TRMT11: variants seen among roughly 807,000 people sequenced by gnomAD.
TRMT11 encodes the protein tRNA methyltransferase 11.
TRMT11 carries 53 observed loss-of-function variants against 62.8 expected under a neutral mutation model. The ratio of observed to expected loss-of-function variants is 0.84; its 90% CI spans 0.68 to 1.06. TRMT11 has a LOEUF of 1.06. Among genes scored for constraint, TRMT11 ranks in the 50% least tolerant of loss-of-function variants. TRMT11 has a pLI of 0.00. For missense variants in TRMT11, 556 were observed against 553.4 expected (o/e 1.00, Z -0.05); for synonymous variants, 188 against 190.3 (o/e 0.99, Z 0.10).
chr6:126,258,058 T>G, the TRMT11 span: 2 of 1,213,734 alleles, frequency 1.6e-6, no homozygotes, highest in African/African-American at 1.5e-5. Flanking sequence ...TCACTCTCCA[T>G]GTCCAGGAGT....
chr6:126,178,155 T>C (rs1778410744), intron 1 of TRMT11, among the ~76,000 whole-genome samples: 2 of 152,226 alleles, frequency 1.3e-5, no homozygotes, highest in African/African-American at 4.8e-5. Context: ...CTAAATTTAT[T>C]TATTATAGTT....
At chr6:126,258,363 G>A in the TRMT11 span, 323 of 370,670 alleles carry the variant, frequency 8.7e-4, 1 homozygote, top group East Asian at 5.0e-3. Flanking sequence ...GGCCATGTAC[G>A]TGCATCAGTC....
chr6:126,042,969 A>T (rs1478605250), downstream of TRMT11, among the ~76,000 whole-genome samples: 1 of 152,042 alleles, frequency 6.6e-6, no homozygotes, highest in Admixed American at 6.5e-5. Flanking sequence ...ATCTTGGAGT[A>T]TCTCACCACA....
chr6:126,221,011 T>A, the TRMT11 span, among the ~76,000 whole-genome samples: 8 of 152,308 alleles, frequency 5.3e-5, no homozygotes, highest in East Asian at 1.3e-3. Flanking sequence ...GAACATGTGG[T>A]ATTTGGTTTT....
rs940160033 is a variant in TRMT11 at position 126,017,913 on chromosome 6, A to C, written c.1140-3247A>C. ...CCAGGTGTTTGATGTCATAGGAGCC[A>C]GTGTGCTACTGAGTGAGTGTAGCTG... On this transcript the variant is annotated intron_variant, in intron 11 of 12. Transcript: ENST00000334379. 2.0e-5 allele frequency among the ~76,000 whole-genome samples: 3 copies of C among 152,234 alleles called. No homozygotes were observed. The East Asian group carries it at 5.8e-4, about 29-fold the overall frequency.
Position 126,059,045 on chromosome 6 carries a change from CT to C in TRMT11, c.*1437+5874del, listed in dbSNP as rs1036996695. On this transcript the variant is annotated intron_variant and NMD_transcript_variant, in intron 17 of 22. Transcript: ENST00000648977. Reference sequence around the variant, plus strand: ...GCACCTCTTCTCTCTCTCTACTTATCTTTTTTTTTTTTTTTTTTTGTAGAGA... The same window carrying C: ...GCACCTCTTCTCTCTCTCTACTTATCTTTTTTTTTTTTTTTTTTGTAGAGA... Among the ~76,000 whole-genome samples, 540 of 128,110 alleles carry C rather than the reference CT, an allele frequency of 4.2e-3. 3 individuals are homozygous for C. Among genetic ancestry groups the C allele is most frequent in the East Asian group, 0.022 (105 of 4,702 alleles). 84.0% of individuals were successfully genotyped at this position (128,110 alleles called of 152,430 possible).
chr6:126,150,870 A>T (rs1778030949), intron 21 of TRMT11, among the ~76,000 whole-genome samples: 1 of 152,148 alleles, frequency 6.6e-6, no homozygotes, highest in South Asian at 2.1e-4. Context: ...TGGCTGAGTG[A>T]TGGTTGCCTT....
the TRMT11 span, among the ~76,000 whole-genome samples, chr6:126,254,102 A>G: frequency 6.6e-6 from 1 of 152,184 alleles, no homozygotes; most frequent in Non-Finnish European, 1.5e-5. Flanking sequence ...TGTCATTACC[A>G]CTGATATCAG....
rs1320136992 is a variant in TRMT11 at position 126,093,615 on chromosome 6, A to G, written c.*1438-19251A>G. Among the ~76,000 whole-genome samples the G allele has an allele frequency of 7.9e-5, 7 of 89,134 alleles. No homozygotes were observed. The South Asian group carries it at 1.7e-3, about 22-fold the overall frequency. 58.5% of individuals were successfully genotyped at this position (89,134 alleles called of 152,430 possible). A position where few individuals can be genotyped will look rare whatever the true frequency, so the allele number is the denominator to read the frequency against. On this transcript the variant is annotated intron_variant and NMD_transcript_variant, in intron 17 of 22. Transcript: ENST00000648977. ...TATATATATATATATATATATATAT[A>G]TATATATATATATATATTTTCCCCC...
At chr6:126,198,398 T>C (rs546888082) in intron 1 of TRMT11, among the ~76,000 whole-genome samples, 67 of 152,328 alleles carry the variant, frequency 4.4e-4, no homozygotes, top group Non-Finnish European at 9.1e-4. Context: ...TAATTTTAAA[T>C]GGGTCTTCAT....
intron 17 of TRMT11, among the ~76,000 whole-genome samples, chr6:126,076,215 T>G (rs922266950): frequency 6.6e-6 from 1 of 152,220 alleles, no homozygotes; most frequent in Non-Finnish European, 1.5e-5. Flanking sequence ...GAGAACTGTC[T>G]GTCTTCCAAT....
At chr6:126,217,508 G>A in the TRMT11 span, among the ~76,000 whole-genome samples, 1 of 152,104 alleles carries the variant, frequency 6.6e-6, no homozygotes, top group African/African-American at 2.4e-5. Flanking sequence ...GATACCACCG[G>A]GATGGTCTTG....
exon 1 of TRMT11, chr6:126,177,290 T>TA (rs1316660018): frequency 1.3e-5 from 2 of 152,146 alleles, no homozygotes; most frequent in Non-Finnish European, 2.9e-5. Context: ...GCAAAACTAT[T>TA]ATGGCAACAG....
intron 3 of TRMT11, among the ~76,000 whole-genome samples, chr6:125,997,496 G>A (rs915599156): frequency 1.3e-5 from 2 of 152,262 alleles, no homozygotes; most frequent in Non-Finnish European, 2.9e-5. Flanking sequence ...AAAATTGTGT[G>A]TGTGTGTCCA....
In TRMT11 at chr6:125,992,440, T is replaced by C. The variant is rs7775205; in HGVS notation, c.73-1317T>C. Among the ~76,000 whole-genome samples the C allele has an allele frequency of 8.4e-3, 1,274 of 152,332 alleles. 15 individuals carry two copies. Among genetic ancestry groups the C allele is most frequent in the African/African-American group, 0.025 (1,053 of 41,574 alleles). ...ATGCAAGATGAAGTAATTTAATCTA[T>C]AACTTTATTTTTTTTCTTTTAAGTG... On this transcript the variant is annotated intron_variant, in intron 1 of 12. Coordinates refer to ENST00000334379, the MANE Select transcript of TRMT11 (RefSeq NM_001031712.3).
At chr6:126,055,937 C>T (rs1776361602) in intron 17 of TRMT11, among the ~76,000 whole-genome samples, 1 of 152,140 alleles carries the variant, frequency 6.6e-6, no homozygotes, top group Non-Finnish European at 1.5e-5. Flanking sequence ...TCGTGGGTCT[C>T]TGAGACACCC....
At chr6:126,007,887 A>G (rs1793599522) in intron 7 of TRMT11, among the ~76,000 whole-genome samples, 1 of 152,098 alleles carries the variant, frequency 6.6e-6, no homozygotes, top group Non-Finnish European at 1.5e-5. Flanking sequence ...GTTAATTCTT[A>G]CAAAAATTAA....
chr6:126,115,988 G>T (rs1259684725), intron 21 of TRMT11, among the ~76,000 whole-genome samples: 1 of 146,166 alleles, frequency 6.8e-6, no homozygotes, highest in African/African-American at 2.5e-5. Flanking sequence ...GTAATCCCTT[G>T]TGCTTATTAA....
At chr6:126,089,703 G>C (rs1354235486) in intron 17 of TRMT11, among the ~76,000 whole-genome samples, 1 of 152,234 alleles carries the variant, frequency 6.6e-6, no homozygotes, top group Non-Finnish European at 1.5e-5. Context: ...ATAAATGGTA[G>C]AGGTTTTCTT....
Sources: allele counts gnomAD v4.1 joint callset (sites outside exome capture counted in the v4.1 genomes callset), GRCh38; gene constraint gnomAD v4.1.1; transcripts MANE v1.5; gene names NCBI Gene and HGNC (gene_info 2026-07-23, HGNC 2026-07-21).